The following MTUS2 variants were observed in gnomAD, a reference collection of about 807,000 sequenced individuals.
MTUS2 encodes microtubule associated scaffold protein 2, also known as microtubule-associated tumor suppressor candidate 2.
Under a neutral mutation model 114.1 loss-of-function variants are expected in MTUS2, and 40 were observed. That is an observed-to-expected ratio of 0.35 (90% confidence interval 0.27 to 0.46). MTUS2 has a LOEUF of 0.46. Among genes scored for constraint, MTUS2 ranks in the 20% least tolerant of loss-of-function variants. The probability of loss-of-function intolerance (pLI) is 1.00; values close to 1 mark genes in which losing one functional copy is unlikely to be tolerated. For missense variants in MTUS2, 1,679 were observed against 1,705.4 expected, an observed-to-expected ratio of 0.98 and a Z score of 0.27; for synonymous variants, 688 against 672.0, an observed-to-expected ratio of 1.02 and a Z score of -0.37.
At chr13:29,229,041 T>G (rs1177046435) in intron 5 of MTUS2, among the ~76,000 whole-genome samples, 1 of 152,192 alleles carries the variant, frequency 6.6e-6, no homozygotes, top group African/African-American at 2.4e-5. Flanking sequence ...TCCTGTTGAT[T>G]CTGCCATGAA....
At chr13:28,880,931 T>C (rs541855615) in intron 2 of MTUS2, among the ~76,000 whole-genome samples, 1 of 152,338 alleles carries the variant, frequency 6.6e-6, no homozygotes, top group South Asian at 2.1e-4. Context: ...TATGTAAATA[T>C]GAGGTGTTTA....
intron 8 of MTUS2, among the ~76,000 whole-genome samples, chr13:29,430,307 CTGTTTCCCTATTTTGTTTTACAT>C (rs1437390287): frequency 6.6e-6 from 1 of 152,116 alleles, no homozygotes; most frequent in Non-Finnish European, 1.5e-5. Context: ...CGAAAGGAGT[CTGTTTCCCTATTTTGTTTTACAT>C]TGTTTCCCTA....
At chr13:28,841,265 T>A (rs1281752673) in intron 2 of MTUS2, among the ~76,000 whole-genome samples, 1 of 152,250 alleles carries the variant, frequency 6.6e-6, no homozygotes, top group African/African-American at 2.4e-5. Flanking sequence ...GGCAATACTT[T>A]GGGGCCAGAT....
At chr13:29,323,332 C>T (rs541874744) in intron 6 of MTUS2, among the ~76,000 whole-genome samples, 12 of 151,900 alleles carry the variant, frequency 7.9e-5, no homozygotes, top group African/African-American at 2.4e-4. Context: ...TCACTGCAAG[C>T]GCCACCTCCT....
intron 4 of MTUS2, among the ~76,000 whole-genome samples, chr13:29,090,112 T>A (rs1889870634): frequency 6.6e-6 from 1 of 152,186 alleles, no homozygotes. Context: ...AACTTTTTGC[T>A]TTTATGTTCT....
chr13:29,164,355 C>G (rs1893226901), intron 5 of MTUS2, among the ~76,000 whole-genome samples: 1 of 152,186 alleles, frequency 6.6e-6, no homozygotes, highest in Non-Finnish European at 1.5e-5. Context: ...GTCCTGAAGT[C>G]AGCAGCACTG....
chr13:28,899,272 C>G (rs1267708419), intron 2 of MTUS2, among the ~76,000 whole-genome samples: 1 of 152,196 alleles, frequency 6.6e-6, no homozygotes, highest in Non-Finnish European at 1.5e-5. Context: ...CAAAAGATTT[C>G]TCTGTATATC....
intron 2 of MTUS2, among the ~76,000 whole-genome samples, chr13:28,964,271 T>C (rs1429250952): frequency 6.6e-6 from 1 of 152,252 alleles, no homozygotes; most frequent in African/African-American, 2.4e-5. Context: ...TGGCAAGTCC[T>C]ATGACCTCTT....
chr13:28,922,869 C>T (rs965507999), intron 2 of MTUS2, among the ~76,000 whole-genome samples: 2 of 152,180 alleles, frequency 1.3e-5, no homozygotes, highest in African/African-American at 4.8e-5. Context: ...GTTGGGGGAA[C>T]AAATCGTGTA....
chr13:28,988,428 A>G (rs1884682763), intron 2 of MTUS2, among the ~76,000 whole-genome samples: 1 of 152,250 alleles, frequency 6.6e-6, no homozygotes, highest in South Asian at 2.1e-4. Context: ...AAAGCAAAAG[A>G]GTCATACTCA....
intron 5 of MTUS2, among the ~76,000 whole-genome samples, chr13:29,276,005 A>T (rs181356915): frequency 1.1e-3 from 172 of 152,354 alleles, no homozygotes; most frequent in Non-Finnish European, 1.9e-3. Flanking sequence ...TAAGAGTTAT[A>T]TATTTTTAGC....
intron 2 of MTUS2, among the ~76,000 whole-genome samples, chr13:28,912,370 G>A (rs372746609): frequency 1.3e-5 from 2 of 152,170 alleles, no homozygotes; most frequent in Admixed American, 1.3e-4. Flanking sequence ...ATTGATCTAT[G>A]TATCTATTCT....
chr13:29,439,292 T>C (rs906278741), intron 8 of MTUS2, among the ~76,000 whole-genome samples: 2 of 152,248 alleles, frequency 1.3e-5, no homozygotes, highest in Admixed American at 1.3e-4. Flanking sequence ...ACTACTTCCC[T>C]ACTTTATATC....
At chr13:28,914,522 A>G (rs993485746) in intron 2 of MTUS2, among the ~76,000 whole-genome samples, 8 of 152,076 alleles carry the variant, frequency 5.3e-5, no homozygotes, top group East Asian at 3.9e-4. Context: ...TGTGTGATCA[A>G]TTTTAGAGCA....
intron 6 of MTUS2, among the ~76,000 whole-genome samples, chr13:29,290,735 C>G (rs576330114): frequency 6.6e-6 from 1 of 152,254 alleles, no homozygotes; most frequent in East Asian, 1.9e-4. Flanking sequence ...TAAATGTTGC[C>G]TGTTCAGGGC....
intron 5 of MTUS2, among the ~76,000 whole-genome samples, chr13:29,244,750 A>C (rs1221606488): frequency 2.6e-5 from 4 of 151,562 alleles, no homozygotes; most frequent in Non-Finnish European, 4.4e-5. Context: ...AGGTCAGGAG[A>C]TCGAGACCAT....
rs1326082738 is a variant in MTUS2, at chr13:29,389,660, T to A, written c.3117+30187T>A. Among the ~76,000 whole-genome samples, 2 of 145,270 alleles carry A rather than the reference T, an allele frequency of 1.4e-5. 1 individual carries two copies. The highest frequency in any genetic ancestry group is 5.2e-5 in the African/African-American group (2 of 38,168). ...ATATGTGTATGTATATACGTATATA[T>A]GTATATGTATATATACATATATGTA... On this transcript the variant is annotated intron_variant, in intron 8 of 15. Coordinates refer to ENST00000612955, the MANE Select transcript of MTUS2 (RefSeq NM_001033602.4).
rs1871655957 is a variant in MTUS2 at position 29,375,632 on chromosome 13, TATATATACACAC to T, written c.3117+16161_3117+16172del. ...ACGTATATATATATATATATATATA[TATATATACACAC>T]ACCATGAAATACCACTCAGCTATAA... On this transcript the variant is annotated intron_variant, in intron 8 of 15. Transcript: ENST00000612955. Among the ~76,000 whole-genome samples the T allele has an allele frequency of 1.2e-3, 9 of 7,582 alleles. 1 individual carries two copies. The highest frequency in any genetic ancestry group is 3.1e-3 in the Admixed American group (1 of 326). The allele number at this position is 7,582 out of a possible 152,430, so 5.0% of individuals were successfully genotyped here.
intron 2 of MTUS2, among the ~76,000 whole-genome samples, chr13:28,897,538 C>G (rs1189977546): frequency 6.6e-6 from 1 of 152,116 alleles, no homozygotes; most frequent in Non-Finnish European, 1.5e-5. Flanking sequence ...CCCAGCCATC[C>G]CATTACTGGG....
Sources: allele counts gnomAD v4.1 joint callset (sites outside exome capture counted in the v4.1 genomes callset), GRCh38; gene constraint gnomAD v4.1.1; transcripts MANE v1.5; gene names NCBI Gene and HGNC (gene_info 2026-07-23, HGNC 2026-07-21).